ZNF521: variants seen among roughly 807,000 people sequenced by gnomAD.
ZNF521 encodes zinc finger protein 521, also known as LYST-interacting protein 3.
In ZNF521, 14 loss-of-function variants were observed where a neutral mutation model predicts 105.5. The observed-to-expected ratio is 0.13, with a 90% CI of 0.09 to 0.21. The LOEUF is 0.21. ZNF521 is among the 10% of genes least tolerant of loss of function. ZNF521 has a pLI of 1.00. For synonymous variants in ZNF521, 635 were observed against 606.0 expected, an observed-to-expected ratio of 1.05 and a Z score of -0.70; for missense variants, 1,233 against 1,629.7, an observed-to-expected ratio of 0.76 and a Z score of 4.19.
intron 3 of ZNF521, among the ~76,000 whole-genome samples, chr18:25,255,986 G>A (rs1031654307): frequency 6.8e-6 from 1 of 146,228 alleles, no homozygotes; most frequent in African/African-American, 2.5e-5. Context: ...TATATACATG[G>A]TATATATATG....
At chr18:25,247,310 A>C (rs1278315746) in intron 3 of ZNF521, among the ~76,000 whole-genome samples, 1 of 152,222 alleles carries the variant, frequency 6.6e-6, no homozygotes, top group Non-Finnish European at 1.5e-5. Flanking sequence ...TGTCGAACAT[A>C]TAATAGCCAC....
At position 25,062,341 on chromosome 18, in the gene ZNF521, C is replaced by T; in HGVS notation, c.*371G>A. On this transcript the variant is annotated 3_prime_UTR_variant, in exon 8 of 8. Transcript: ENST00000361524. ...GCTTAAGTGTAAAGAAAAGGAAGTC[C>T]AACCATAGTCTCATGTATAACAGTT... The T allele has an allele frequency of 4.0e-6, 1 of 248,116 alleles. No homozygotes were observed. Among genetic ancestry groups the T allele is most frequent in the Non-Finnish European group, 7.7e-6 (1 of 129,950 alleles). 15.4% of individuals were successfully genotyped at this position (248,116 alleles called of 1,614,324 possible). A position where few individuals can be genotyped will look rare whatever the true frequency, so the allele number is the denominator to read the frequency against.
chr18:25,179,788 T>C (rs1322368140), intron 5 of ZNF521, among the ~76,000 whole-genome samples: 1 of 152,186 alleles, frequency 6.6e-6, no homozygotes, highest in East Asian at 1.9e-4. Flanking sequence ...CACGGAGTGC[T>C]GCAGCAGTGA....
At chr18:25,253,057 A>G (rs964355820) in intron 3 of ZNF521, among the ~76,000 whole-genome samples, 2 of 152,210 alleles carry the variant, frequency 1.3e-5, no homozygotes, top group Non-Finnish European at 2.9e-5. Flanking sequence ...TTCAAGAGTT[A>G]TTTAATTTCA....
intron 5 of ZNF521, among the ~76,000 whole-genome samples, chr18:25,118,974 T>TA (rs1466001938): frequency 6.6e-6 from 1 of 152,118 alleles, no homozygotes; most frequent in African/African-American, 2.4e-5. Flanking sequence ...CTAGAGGGGC[T>TA]ATATTAATAT....
intron 5 of ZNF521, among the ~76,000 whole-genome samples, chr18:25,163,591 A>C (rs1184819183): frequency 1.3e-5 from 2 of 152,220 alleles, no homozygotes; most frequent in African/African-American, 4.8e-5. Context: ...TTGTTAAGAC[A>C]CAATGCAATT....
intron 3 of ZNF521, among the ~76,000 whole-genome samples, chr18:25,292,680 C>T (rs1178983349): frequency 6.6e-6 from 1 of 152,154 alleles, no homozygotes; most frequent in African/African-American, 2.4e-5. Context: ...TAGACATGAC[C>T]ATGTGGCTTC....
At position 25,225,589 on chromosome 18, in the gene ZNF521, C is replaced by T; in HGVS notation, c.2329G>A (p.Glu777Lys). The change falls in exon 4 of 8, where the codon GAA (glutamate) becomes AAA (lysine). Residue 777 changes from glutamate (E) to lysine (K), a missense_variant. Physicochemically the swap from Glu to Lys is moderately conservative, Grantham distance 56. Transcript: ENST00000361524. The surrounding 1 kb of genome is among the most constrained non-coding windows in gnomAD (Gnocchi z 5.6). ...LQLHVKHNHL[E>K]NQGKVHKCIF... ...CACTTATGCACTTTCCCTTGGTTTT[C>T]CAGGTGGTTGTGTTTCACATGGAGC... 1 of 1,614,198 alleles carries T rather than the reference C, an allele frequency of 6.2e-7. No homozygotes were observed. The highest frequency in any genetic ancestry group is 1.1e-5 in the South Asian group (1 of 91,082).
chr18:25,108,852 T>C (rs2034126542), intron 5 of ZNF521, among the ~76,000 whole-genome samples: 1 of 152,176 alleles, frequency 6.6e-6, no homozygotes, highest in Non-Finnish European at 1.5e-5. Flanking sequence ...CTCAAACTCC[T>C]GACCTCAAGT....
intron 7 of ZNF521, among the ~76,000 whole-genome samples, chr18:25,066,520 C>T (rs987858108): frequency 3.3e-5 from 5 of 152,136 alleles, no homozygotes; most frequent in South Asian, 2.1e-4. Context: ...TCTCTGGTCT[C>T]GACTAAAGAT....
intron 3 of ZNF521, among the ~76,000 whole-genome samples, chr18:25,273,188 C>T (rs75841029): frequency 0.018 from 2,167 of 118,756 alleles, 52 homozygotes; most frequent in East Asian, 0.11. Context: ...GATCGCTCCT[C>T]TGTGCTCCCA....
At chr18:25,314,350 C>T (rs1912486981) in intron 3 of ZNF521, among the ~76,000 whole-genome samples, 1 of 152,248 alleles carries the variant, frequency 6.6e-6, no homozygotes, top group South Asian at 2.1e-4. Flanking sequence ...TTTGCCACAA[C>T]CATATGACAC....
At chr18:25,329,563 T>G (rs1216053883) in intron 2 of ZNF521, among the ~76,000 whole-genome samples, 2 of 152,002 alleles carry the variant, frequency 1.3e-5, no homozygotes, top group Non-Finnish European at 2.9e-5. Flanking sequence ...ACATGATGAC[T>G]TCAAAGAAAT....
intron 5 of ZNF521, among the ~76,000 whole-genome samples, chr18:25,105,129 T>C (rs2034046090): frequency 6.6e-6 from 1 of 152,210 alleles, no homozygotes; most frequent in African/African-American, 2.4e-5. Context: ...AATCTTCTTC[T>C]TCCTCTACCA....
intron 2 of ZNF521, among the ~76,000 whole-genome samples, chr18:25,332,711 C>G (rs1255553562): frequency 2.6e-5 from 4 of 152,100 alleles, no homozygotes; most frequent in Admixed American, 1.3e-4. Context: ...CCATATGAGT[C>G]TAATGTTTTT....
chr18:25,243,059 TTTCTCA>T (rs1907456021), intron 3 of ZNF521, among the ~76,000 whole-genome samples: 1 of 152,180 alleles, frequency 6.6e-6, no homozygotes, highest in Non-Finnish European at 1.5e-5. Context: ...CAAGTCTGCC[TTTCTCA>T]ACAGAGTTTG....
At chr18:25,130,999 A>T (rs745851011) in intron 5 of ZNF521, among the ~76,000 whole-genome samples, 5 of 152,020 alleles carry the variant, frequency 3.3e-5, no homozygotes, top group Non-Finnish European at 7.4e-5. Flanking sequence ...AATCCAAAAT[A>T]TATCTTTTTT....
Position 25,099,040 on chromosome 18 carries a change from A to T in ZNF521, c.3659-6959T>A, listed in dbSNP as rs565817349. Among the ~76,000 whole-genome samples the T allele has an allele frequency of 3.9e-5, 6 of 152,234 alleles. No individual in the cohort carries two copies. The South Asian group carries it at 6.2e-4, about 16-fold the overall frequency. On this transcript the variant is annotated intron_variant, in intron 5 of 7. Coordinates refer to ENST00000361524, the MANE Select transcript of ZNF521 (RefSeq NM_015461.3). ...GCTCTGACCATCTCAATGCCATAAG[A>T]GTGTTGAGAACTCAGTTTGGGGTTA...
intron 5 of ZNF521, among the ~76,000 whole-genome samples, chr18:25,157,025 C>A (rs1158066260): frequency 1.3e-5 from 2 of 152,010 alleles, no homozygotes; most frequent in African/African-American, 2.4e-5. Flanking sequence ...ATGACGAAAA[C>A]CTGTCTCTAC....
Sources: gnomAD v4.1 joint callset for allele counts (sites outside exome capture counted in the v4.1 genomes callset) on GRCh38, gnomAD v4.1.1 for gene constraint, Gnocchi (gnomAD v3.1) non-coding constraint, MANE v1.5 for transcripts, NCBI Gene and HGNC (gene_info 2026-07-23, HGNC 2026-07-21) for gene names.